Variants in PIK3CB observed in about 807,000 individuals in gnomAD.
The protein encoded by PIK3CB is phosphatidylinositol-4,5-bisphosphate 3-kinase catalytic subunit beta, also known as phosphatidylinositol 4,5-bisphosphate 3-kinase catalytic subunit beta isoform.
PIK3CB carries 39 observed loss-of-function variants against 136.8 expected under a neutral mutation model. The observed-to-expected ratio is 0.29, with a 90% confidence interval of 0.22 to 0.37. The LOEUF is 0.37. Ranked by LOEUF, PIK3CB falls within the 10% of genes least tolerant of loss-of-function variation. The pLI is 1.00. For missense variants in PIK3CB, 868 were observed against 1,275.4 expected, an observed-to-expected ratio of 0.68 and a Z score of 4.87; for synonymous variants, 428 against 436.6, an observed-to-expected ratio of 0.98 and a Z score of 0.25.
In PIK3CB at chr3:138,655,217, T is replaced by G. The variant is rs1268768829; in HGVS notation, c.*172A>C. 9.8e-6 allele frequency: 6 copies of G among 609,274 alleles called. No individual in the cohort carries two copies. The East Asian group carries it at 1.4e-4, about 14-fold the overall frequency. 37.7% of individuals were successfully genotyped at this position (609,274 alleles called of 1,614,324 possible). A position where few individuals can be genotyped will look rare whatever the true frequency, so the allele number is the denominator to read the frequency against. ...AGCATTCAAAAAGCAGAGGGAATCATCGGGGATTGTTCAGATTAGGTTCTG... is the reference window on the plus strand; with the variant it reads ...AGCATTCAAAAAGCAGAGGGAATCAGCGGGGATTGTTCAGATTAGGTTCTG... On this transcript the variant is annotated 3_prime_UTR_variant, in exon 24 of 24. Coordinates refer to ENST00000674063, the MANE Select transcript of PIK3CB (RefSeq NM_006219.3).
At chr3:138,754,377 G>T (rs1245334937) in intron 4 of PIK3CB, among the ~76,000 whole-genome samples, 1 of 152,100 alleles carries the variant, frequency 6.6e-6, no homozygotes, top group Admixed American at 6.6e-5. Context: ...GTCGAGTCAA[G>T]GCTGAAGTGA....
At chr3:138,670,716 T>C (rs1366627895) in intron 19 of PIK3CB, among the ~76,000 whole-genome samples, 3 of 152,204 alleles carry the variant, frequency 2.0e-5, no homozygotes, top group African/African-American at 7.2e-5. Context: ...TTATGAGTGT[T>C]TGAAAAACTA....
chr3:138,709,346 T>TA (rs2044447108), intron 10 of PIK3CB, among the ~76,000 whole-genome samples: 4 of 151,414 alleles, frequency 2.6e-5, no homozygotes, highest in Non-Finnish European at 5.9e-5. Flanking sequence ...GTTCTCTACA[T>TA]AGATACGTAG....
intron 4 of PIK3CB, among the ~76,000 whole-genome samples, chr3:138,755,401 G>A (rs989935589): frequency 5.9e-5 from 9 of 152,086 alleles, no homozygotes; most frequent in Non-Finnish European, 4.4e-5. Context: ...CAGCACTTTG[G>A]GGGGCCAAGG....
At chr3:138,673,618 C>A (rs1418439449) in intron 19 of PIK3CB, among the ~76,000 whole-genome samples, 1 of 152,062 alleles carries the variant, frequency 6.6e-6, no homozygotes, top group Non-Finnish European at 1.5e-5. Flanking sequence ...TTGTTGAAAT[C>A]AACTATTTTA....
At chr3:138,813,104 A>C (rs1004598874) in intron 1 of PIK3CB, among the ~76,000 whole-genome samples, 1 of 152,052 alleles carries the variant, frequency 6.6e-6, no homozygotes, top group Non-Finnish European at 1.5e-5. Context: ...GTGAATCTAC[A>C]ATTACCTCAA....
At chr3:138,789,002 A>ACAC (rs1559879249) in intron 2 of PIK3CB, among the ~76,000 whole-genome samples, 2 of 148,956 alleles carry the variant, frequency 1.3e-5, no homozygotes, top group African/African-American at 5.0e-5. Context: ...ACAAAAAACA[A>ACAC]CACCACAGAG....
intron 10 of PIK3CB, among the ~76,000 whole-genome samples, chr3:138,711,317 G>A (rs531622534): frequency 6.6e-6 from 1 of 151,580 alleles, no homozygotes; most frequent in Non-Finnish European, 1.5e-5. Context: ...GGTGGCTCAC[G>A]CCTGTAATCC....
intron 10 of PIK3CB, among the ~76,000 whole-genome samples, chr3:138,710,063 C>G (rs1053709802): frequency 6.7e-6 from 1 of 149,862 alleles, no homozygotes; most frequent in African/African-American, 2.5e-5. Flanking sequence ...GTGGCGTATG[C>G]CTATAGTACC....
At position 138,815,368 on chromosome 3, in the gene PIK3CB, A is replaced by AAAAAAAAAAAAAAAAAC. The variant is rs1553743726; in HGVS notation, c.-121-18802_-121-18801insGTTTTTTTTTTTTTTTT. On this transcript the variant is annotated intron_variant, in intron 1 of 23. Coordinates refer to ENST00000674063, the MANE Select transcript of PIK3CB (RefSeq NM_006219.3). ...CCACATCCTGTCTCAAAAAAAAAAAAAAAAAAACTAGTCAAAACCATAACA... is the reference window on the plus strand; with the variant it reads ...CCACATCCTGTCTCAAAAAAAAAAAAAAAAAAAAAAAAAAAACAAAAAAACTAGTCAAAACCATAACA... Among the ~76,000 whole-genome samples the AAAAAAAAAAAAAAAAAC allele has an allele frequency of 2.2e-3, 233 of 105,906 alleles. 3 individuals carry two copies. The highest frequency in any genetic ancestry group is 3.0e-3 in the Non-Finnish European group (154 of 51,350). The allele number at this position is 105,906 out of a possible 152,430, so 69.5% of individuals were successfully genotyped here. A position where few individuals can be genotyped will look rare whatever the true frequency, so the allele number is the denominator to read the frequency against.
intron 4 of PIK3CB, among the ~76,000 whole-genome samples, chr3:138,753,620 T>C (rs1356490427): frequency 2.6e-5 from 4 of 151,910 alleles, no homozygotes; most frequent in African/African-American, 9.7e-5. Context: ...CACTTGAGCT[T>C]AGGAGTTTGA....
At chr3:138,751,018 G>T (rs932464389) in intron 4 of PIK3CB, among the ~76,000 whole-genome samples, 3 of 151,998 alleles carry the variant, frequency 2.0e-5, no homozygotes, top group Non-Finnish European at 4.4e-5. Context: ...TATGAATAAG[G>T]GACCCTGTTC....
chr3:138,754,572 T>A (rs1357960455), intron 4 of PIK3CB, among the ~76,000 whole-genome samples: 5 of 152,212 alleles, frequency 3.3e-5, no homozygotes, highest in Non-Finnish European at 7.3e-5. Context: ...AAAAATTTTG[T>A]ATGATACATA....
intron 1 of PIK3CB, among the ~76,000 whole-genome samples, chr3:138,828,619 C>T (rs1389453502): frequency 1.3e-5 from 2 of 151,872 alleles, no homozygotes; most frequent in African/African-American, 4.8e-5. Context: ...AATAAGCAAG[C>T]TGGGAGAGGT....
At chr3:138,798,364 C>T (rs908543808) in intron 1 of PIK3CB, among the ~76,000 whole-genome samples, 1 of 152,100 alleles carries the variant, frequency 6.6e-6, no homozygotes, top group Non-Finnish European at 1.5e-5. Flanking sequence ...GGGGTTTCAC[C>T]ATGTTGGTCA....
chr3:138,676,882 T>C (rs2043656573), intron 19 of PIK3CB, among the ~76,000 whole-genome samples: 1 of 152,084 alleles, frequency 6.6e-6, no homozygotes, highest in Non-Finnish European at 1.5e-5. Context: ...GTGCAGGGTT[T>C]TTGAAGGGTT....
intron 8 of PIK3CB, among the ~76,000 whole-genome samples, chr3:138,716,078 GA>G (rs1184259042): frequency 6.6e-6 from 1 of 151,828 alleles, no homozygotes; most frequent in African/African-American, 2.4e-5. Context: ...TAAGCTAAAA[GA>G]AAAAAATTGG....
intron 1 of PIK3CB, among the ~76,000 whole-genome samples, chr3:138,820,076 G>C (rs1933492749): frequency 6.6e-6 from 1 of 152,218 alleles, no homozygotes; most frequent in Non-Finnish European, 1.5e-5. Context: ...TCACCTATGT[G>C]AACTGAAAAT....
Position 138,759,188 on chromosome 3 carries a change from A to C in PIK3CB, c.156T>G (p.Ile52Met). The C allele has an allele frequency of 6.2e-7, 1 of 1,608,956 alleles. No individual in the cohort carries two copies. Among genetic ancestry groups the C allele is most frequent in the South Asian group, 1.1e-5 (1 of 90,514 alleles). The change falls in exon 3 of 24, where the codon ATT becomes ATG. Residue 52 changes from isoleucine (I) to methionine (M), a missense_variant. Physicochemically the swap from Ile to Met is conservative, Grantham distance 10. Transcript: ENST00000674063. ...IQLEVPREAT[I>M]SYIKQMLWKQ... Reference sequence around the variant, plus strand: ...ATTAACATACCTGCTTAATATAAGAAATGGTAGCTTCCCGAGGTACCTCCA... The same window carrying C: ...ATTAACATACCTGCTTAATATAAGACATGGTAGCTTCCCGAGGTACCTCCA...
Sources: allele counts gnomAD v4.1 joint callset (sites outside exome capture counted in the v4.1 genomes callset), GRCh38; gene constraint gnomAD v4.1.1; transcripts MANE v1.5; gene names NCBI Gene and HGNC (gene_info 2026-07-23, HGNC 2026-07-21).